Variants in RNPS1 observed in about 807,000 individuals in gnomAD.
RNPS1 encodes RNA-binding protein with serine-rich domain 1.
For synonymous variants in RNPS1, 147 were observed against 150.0 expected (o/e 0.98, Z 0.15); for missense variants, 300 against 427.6 (o/e 0.70, Z 2.63).
rs1032608255 is a variant in RNPS1, at chr16:2,264,557, C to G, written c.71+16G>C. The G allele has an allele frequency of 6.2e-7, 1 of 1,612,644 alleles. No homozygotes were observed. The highest frequency in any genetic ancestry group is 1.7e-4 in the Middle Eastern group (1 of 6,056). On this transcript the variant is annotated intron_variant, in intron 2 of 7. Coordinates refer to ENST00000320225, the MANE Select transcript of RNPS1 (RefSeq NM_080594.4). Reference sequence around the variant, plus strand: ...CACCCCCAAGTAGCACTAGAAAAATCTTACAGAAGGATTACCTAGTGCTGG... The same window carrying G: ...CACCCCCAAGTAGCACTAGAAAAATGTTACAGAAGGATTACCTAGTGCTGG...
At chr16:2,260,562 A>G (rs1204095040) in intron 6 of RNPS1, among the ~76,000 whole-genome samples, 1 of 152,200 alleles carries the variant, frequency 6.6e-6, no homozygotes, top group African/African-American at 2.4e-5. Context: ...TGAGGGAAGT[A>G]AAACATGCCA....
chr16:2,264,931 C>G (rs2093619156), intron 1 of RNPS1, 171 bp from the exon 2 acceptor site: 1 of 378,180 alleles, frequency 2.6e-6, no homozygotes, highest in African/African-American at 2.1e-5. Context: ...CTGGAGGCGT[C>G]TCTACCCCGC....
chr16:2,262,882 A>T (rs371510125), intron 4 of RNPS1, 40 bp from the exon 5 acceptor site: 10 of 1,567,974 alleles, frequency 6.4e-6, no homozygotes, highest in Non-Finnish European at 7.9e-6. Context: ...ATTTCTGTCA[A>T]GTCAAAATGT....
At chr16:2,262,021 C>T (rs957393968) in intron 6 of RNPS1, among the ~76,000 whole-genome samples, 1 of 152,162 alleles carries the variant, frequency 6.6e-6, no homozygotes, top group African/African-American at 2.4e-5. Context: ...GCAATAATTT[C>T]CAGGCCTTTT....
chr16:2,255,536 A>C, intron 7 of RNPS1, 49 bp downstream of exon 7: 1 of 1,529,746 alleles, frequency 6.5e-7, no homozygotes, highest in South Asian at 1.3e-5. Flanking sequence ...CACTGCGGTC[A>C]CATGAGGTTT....
chr16:2,266,737 C>A (rs913005885), intron 1 of RNPS1: 29 of 983,928 alleles, frequency 2.9e-5, no homozygotes, highest in Non-Finnish European at 3.5e-5. Flanking sequence ...TGAGGAGCCA[C>A]AAGCATCACC....
rs1030136134 is a variant in RNPS1 at position 2,267,498 on chromosome 16, A to G, written c.-118+557T>C. The G allele has an allele frequency of 1.7e-4, 175 of 1,005,546 alleles. 1 individual carries two copies. In the African/African-American group the frequency reaches 2.9e-3, roughly 17 times the overall value. The allele number at this position is 1,005,546 out of a possible 1,614,324, so 62.3% of individuals were successfully genotyped here. A position where few individuals can be genotyped will look rare whatever the true frequency, so the allele number is the denominator to read the frequency against. On this transcript the variant is annotated intron_variant, in intron 1 of 7. Coordinates refer to ENST00000320225, the MANE Select transcript of RNPS1 (RefSeq NM_080594.4). ...CGTATCCCCACGGCCTAGCGCCGAT[A>G]ATTGCACACGGGAGTCCGGGAAACG... is the stretch of plus-strand genomic sequence containing the variant.
intron 1 of RNPS1, chr16:2,266,126 T>C (rs1023098083): frequency 2.3e-4 from 225 of 985,364 alleles, no homozygotes; most frequent in Admixed American, 6.1e-4. Flanking sequence ...CAAGAGCCAG[T>C]TGGTAAGGAG....
intron 1 of RNPS1, chr16:2,267,738 C>A: frequency 7.8e-7 from 1 of 1,289,474 alleles, no homozygotes; most frequent in Non-Finnish European, 9.8e-7. Context: ...GTCTCCGGCC[C>A]GGCGGGAGGG....
rs763102791 is a variant in RNPS1 at position 2,263,894 on chromosome 16, C to CTTTT, written c.227+278_227+281dup. 7.1e-4 allele frequency: 148 copies of CTTTT among 207,470 alleles called. 3 individuals are homozygous for CTTTT. Among genetic ancestry groups the CTTTT allele is most frequent in the Middle Eastern group, 3.5e-3 (2 of 572 alleles). The allele number at this position is 207,470 out of a possible 1,614,324, so 12.9% of individuals were successfully genotyped here. A position where few individuals can be genotyped will look rare whatever the true frequency, so the allele number is the denominator to read the frequency against. Reference sequence around the variant, plus strand: ...CGCTCAGCTAATTTTACAAATTACTCTTTTTTTTTTTTTTTTGTAGAGACG... The same window carrying CTTTT: ...CGCTCAGCTAATTTTACAAATTACTCTTTTTTTTTTTTTTTTTTTTGTAGAGACG... On this transcript the variant is annotated intron_variant, in intron 3 of 7. Transcript: ENST00000320225.
chr16:2,263,366 C>T, intron 3 of RNPS1, 79 bp from the exon 4 acceptor site: 1 of 1,439,934 alleles, frequency 6.9e-7, no homozygotes, highest in Non-Finnish European at 9.6e-7. Flanking sequence ...CTGTTGTGCT[C>T]CCCCCAGGAG....
intron 6 of RNPS1, among the ~76,000 whole-genome samples, chr16:2,259,610 C>T (rs1288927453): frequency 6.6e-6 from 1 of 152,182 alleles, no homozygotes; most frequent in Non-Finnish European, 1.5e-5. Context: ...TAAAATAAGG[C>T]CGGGTGCAGT....
At chr16:2,266,303 G>A (rs1849236262) in intron 1 of RNPS1, 1 of 985,318 alleles carries the variant, frequency 1.0e-6, no homozygotes, top group African/African-American at 1.7e-5. Flanking sequence ...CTCTTGTCCA[G>A]GGGTAAAATG....
chr16:2,264,296 T>A lies in RNPS1; in HGVS notation c.107A>T (p.Asp36Val). The A allele has an allele frequency of 6.2e-7, 1 of 1,614,170 alleles. No homozygotes were observed. Among genetic ancestry groups the A allele is most frequent in the Non-Finnish European group, 8.5e-7 (1 of 1,180,028 alleles). The change falls in exon 3 of 8, where the codon GAT becomes GTT. Residue 36 changes from aspartate to valine, a missense_variant. Physicochemically the swap from Asp to Val is radical, Grantham distance 152. Transcript: ENST00000320225. ...TTTTGAGCGATCCTTGGACTTCTCA[T>A]CTGAGCGGTCTTTGCGTTTGGTAGG... is the stretch of plus-strand genomic sequence containing the variant. Reference protein sequence around the residue: ...PSPTKRKDRSDEKSKDRSKDK... With the variant: ...PSPTKRKDRSVEKSKDRSKDK...
intron 3 of RNPS1, 47 bp downstream of exon 3, chr16:2,264,129 T>C (rs1462540689): frequency 1.2e-6 from 2 of 1,606,332 alleles, no homozygotes; most frequent in Non-Finnish European, 1.7e-6. Context: ...AGTGGGGGTG[T>C]AGCTGTGGCA....
Position 2,267,223 on chromosome 16 carries a change from G to A in RNPS1, c.-118+832C>T, listed in dbSNP as rs1363575493. On this transcript the variant is annotated intron_variant, in intron 1 of 7. Coordinates refer to ENST00000320225, the MANE Select transcript of RNPS1 (RefSeq NM_080594.4). ...ACCTCGGTTACCTCCCCCATCCTCCGGAAAGGTGCGCGTCCAACAGCCAGA... is the reference window on the plus strand; with the variant it reads ...ACCTCGGTTACCTCCCCCATCCTCCAGAAAGGTGCGCGTCCAACAGCCAGA... 6.1e-6 allele frequency: 6 copies of A among 985,266 alleles called. No homozygotes were observed. The South Asian group carries it at 1.4e-4, about 23-fold the overall frequency. The allele number at this position is 985,266 out of a possible 1,614,324, so 61.0% of individuals were successfully genotyped here. A position where few individuals can be genotyped will look rare whatever the true frequency, so the allele number is the denominator to read the frequency against.
At position 2,262,366 on chromosome 16, in the gene RNPS1, C is replaced by T. The variant is rs1596809972; in HGVS notation, c.588G>A (p.Arg196=). The T allele has an allele frequency of 6.2e-6, 10 of 1,613,938 alleles. No individual in the cohort carries two copies. In the East Asian group the frequency reaches 2.2e-4, roughly 36 times the overall value. ...AGCCTTTGGACAGATGGGGATGCAT[C>T]CTTTCCACGGGCATGTCAATCATTT... is the stretch of plus-strand genomic sequence containing the variant. ...KIKMIDMPVE[R]MHPHLSKGYA... The change falls in exon 6 of 8, where the codon AGG becomes AGA. Residue 196 remains arginine (R), a synonymous_variant. Coordinates refer to ENST00000320225, the MANE Select transcript of RNPS1 (RefSeq NM_080594.4).
chr16:2,262,222 GC>G, intron 6 of RNPS1, 55 bp downstream of exon 6: 1 of 1,543,162 alleles, frequency 6.5e-7, no homozygotes, highest in South Asian at 1.1e-5. Context: ...CAGTTTGAAA[GC>G]CCCTCGCGGC....
intron 7 of RNPS1, among the ~76,000 whole-genome samples, chr16:2,254,462 TTTG>T (rs1237510446): frequency 6.6e-5 from 10 of 151,768 alleles, no homozygotes; most frequent in Non-Finnish European, 1.3e-4. Context: ...CACAGCTAAT[TTTG>T]TTTTGTTTTT....
Sources: gnomAD v4.1 joint callset for allele counts (sites outside exome capture counted in the v4.1 genomes callset) on GRCh38, gnomAD v4.1.1 for gene constraint, MANE v1.5 for transcripts, NCBI Gene and HGNC (gene_info 2026-07-23, HGNC 2026-07-21) for gene names.